The following HDAC9 variants were observed in gnomAD, a reference collection of about 807,000 sequenced individuals.
HDAC9 encodes the protein MEF-2 interacting transcription repressor (MITR) protein.
In HDAC9, 41 loss-of-function variants were observed where a neutral mutation model predicts 139.4. The observed-to-expected ratio is 0.29, with a 90% CI of 0.23 to 0.38. HDAC9 has a LOEUF of 0.38. Among genes scored for constraint, HDAC9 ranks in the 10% least tolerant of loss-of-function variants. HDAC9 has a pLI of 1.00. For synonymous variants in HDAC9, 517 were observed against 476.2 expected (o/e 1.09, Z -1.12); for missense variants, 1,147 against 1,297.0 (o/e 0.88, Z 1.78).
At chr7:18,939,832 TAAC>T (rs560681901) in intron 23 of HDAC9, among the ~76,000 whole-genome samples, 168 of 152,296 alleles carry the variant, frequency 1.1e-3, no homozygotes, top group African/African-American at 3.9e-3. Flanking sequence ...CTTTTACAAA[TAAC>T]AAAATGTAGT....
chr7:18,175,202 G>A (rs958480259), intron 2 of HDAC9, among the ~76,000 whole-genome samples: 1 of 152,160 alleles, frequency 6.6e-6, no homozygotes, highest in Non-Finnish European at 1.5e-5. Context: ...TGCCTTGCAG[G>A]TCCATCTCAG....
chr7:18,484,961 C>T (rs1210734872), intron 1 of HDAC9, among the ~76,000 whole-genome samples: 6 of 151,934 alleles, frequency 3.9e-5, no homozygotes, highest in South Asian at 2.1e-4. Context: ...TAAGCAAGTA[C>T]CATTGAGAAT....
chr7:18,894,575 G>T (rs868544584), intron 22 of HDAC9, among the ~76,000 whole-genome samples: 5 of 152,102 alleles, frequency 3.3e-5, no homozygotes, highest in Non-Finnish European at 7.4e-5. Context: ...AGGAGAAATT[G>T]GAGGAGAGAA....
intron 2 of HDAC9, among the ~76,000 whole-genome samples, chr7:18,228,342 A>G (rs1793212361): frequency 6.6e-6 from 1 of 151,998 alleles, no homozygotes; most frequent in African/African-American, 2.4e-5. Flanking sequence ...AATGACGTAT[A>G]AAACTCAATT....
At chr7:18,496,593 TG>T in intron 2 of HDAC9, 1 of 446,952 alleles carries the variant, frequency 2.2e-6, no homozygotes, top group Admixed American at 3.8e-5. Flanking sequence ...AAAATGTAGT[TG>T]GGGGTGTTTT....
At chr7:18,873,487 A>C (rs1025340205) in intron 21 of HDAC9, among the ~76,000 whole-genome samples, 1 of 152,194 alleles carries the variant, frequency 6.6e-6, no homozygotes, top group Non-Finnish European at 1.5e-5. Flanking sequence ...ACATTTTTTA[A>C]ATATAAAATT....
At chr7:18,348,439 T>G (rs1271124704) in intron 1 of HDAC9, among the ~76,000 whole-genome samples, 1 of 152,174 alleles carries the variant, frequency 6.6e-6, no homozygotes, top group Non-Finnish European at 1.5e-5. Context: ...ACCTTACTCA[T>G]GGATTTTTGG....
rs527474289 is a variant in HDAC9 at position 18,945,041 on chromosome 7, G to A, written c.2937+9099G>A. On this transcript the variant is annotated intron_variant, in intron 23 of 25. Transcript: ENST00000686413. ...ATGTGTTTCTTGGTGCACTTGTACC[G>A]ACATTTTTGTTGAATATATTTCTAC... Among the ~76,000 whole-genome samples the A allele has an allele frequency of 1.7e-3, 254 of 152,266 alleles. 2 individuals are homozygous for A. Among genetic ancestry groups the A allele is most frequent in the African/African-American group, 5.4e-3 (225 of 41,576 alleles).
At chr7:18,903,937 C>A (rs1313478939) in intron 22 of HDAC9, among the ~76,000 whole-genome samples, 5 of 152,146 alleles carry the variant, frequency 3.3e-5, no homozygotes, top group Non-Finnish European at 7.4e-5. Flanking sequence ...TTCACCTCCA[C>A]ATGACCCTTA....
At chr7:18,775,418 A>G (rs1250466396) in intron 16 of HDAC9, among the ~76,000 whole-genome samples, 3 of 152,116 alleles carry the variant, frequency 2.0e-5, no homozygotes, top group African/African-American at 4.8e-5. Flanking sequence ...GTGTGCCTGT[A>G]TCGAGTATCT....
chr7:18,204,303 T>C (rs1226050232), intron 2 of HDAC9, among the ~76,000 whole-genome samples: 1 of 151,456 alleles, frequency 6.6e-6, no homozygotes, highest in Non-Finnish European at 1.5e-5. Flanking sequence ...TTACAAATTA[T>C]GGCACCACAA....
At chr7:18,176,133 A>T (rs937211031) in intron 2 of HDAC9, among the ~76,000 whole-genome samples, 1 of 152,220 alleles carries the variant, frequency 6.6e-6, no homozygotes, top group Non-Finnish European at 1.5e-5. Flanking sequence ...GACATTATTC[A>T]TGAGAAAAAC....
intron 17 of HDAC9, among the ~76,000 whole-genome samples, chr7:18,823,716 A>C (rs1241420627): frequency 6.6e-6 from 1 of 152,048 alleles, no homozygotes; most frequent in Non-Finnish European, 1.5e-5. Flanking sequence ...ACAGTTGCTC[A>C]CACCTGTAAT....
intron 2 of HDAC9, among the ~76,000 whole-genome samples, chr7:18,202,415 G>A (rs1324631529): frequency 1.3e-5 from 2 of 151,836 alleles, no homozygotes; most frequent in East Asian, 1.9e-4. Context: ...TTGCCTTGTG[G>A]TGCATGTTGC....
chr7:18,380,561 A>T (rs13228999), intron 1 of HDAC9, among the ~76,000 whole-genome samples: 1 of 152,196 alleles, frequency 6.6e-6, no homozygotes, highest in Non-Finnish European at 1.5e-5. Flanking sequence ...AATTGACTGT[A>T]TGGCTTCTCC....
chr7:18,939,739 T>A lies in HDAC9; in HGVS notation c.2937+3797T>A, dbSNP rs553518146. Among the ~76,000 whole-genome samples the A allele has an allele frequency of 1.8e-3, 268 of 152,340 alleles. 1 individual carries two copies. Among genetic ancestry groups the A allele is most frequent in the Middle Eastern group, 0.014 (4 of 294 alleles). ...AAAATACAAAAGGATGTCTTTCAGA[T>A]TGCGATTTCAAATCCCAGTTTCCCT... On this transcript the variant is annotated intron_variant, in intron 23 of 25. Transcript: ENST00000686413.
At chr7:18,218,398 C>T (rs537943657) in intron 2 of HDAC9, among the ~76,000 whole-genome samples, 1 of 152,070 alleles carries the variant, frequency 6.6e-6, no homozygotes, top group Non-Finnish European at 1.5e-5. Context: ...GAGCTGAGAT[C>T]ACATCACTGC....
At chr7:18,675,626 T>A (rs1476567042) in intron 12 of HDAC9, among the ~76,000 whole-genome samples, 1 of 152,012 alleles carries the variant, frequency 6.6e-6, no homozygotes, top group Admixed American at 6.6e-5. Flanking sequence ...TTCTCTTCTG[T>A]AATCAAAAAA....
rs148095868 is a variant in HDAC9, at chr7:18,293,499, G to A, written c.-42+2984G>A. Among the ~76,000 whole-genome samples the A allele has an allele frequency of 2.6e-5, 4 of 152,190 alleles. No homozygotes were observed. In the East Asian group the frequency reaches 7.7e-4, roughly 29 times the overall value. On this transcript the variant is annotated intron_variant, in intron 1 of 3. Transcript: ENST00000413509. ...CAGGAAGGGGAACATCACACACCGG[G>A]CATTCTTAGATTCTTAAACCTTTGA...
Sources: gnomAD v4.1 joint callset for allele counts (sites outside exome capture counted in the v4.1 genomes callset) on GRCh38, gnomAD v4.1.1 for gene constraint, MANE v1.5 for transcripts, NCBI Gene and HGNC (gene_info 2026-07-23, HGNC 2026-07-21) for gene names.